Variants in CELSR3 observed in about 807,000 individuals in gnomAD.
CELSR3 encodes cadherin EGF LAG seven-pass G-type receptor 3.
Under a neutral mutation model 270.0 loss-of-function variants are expected in CELSR3, and 73 were observed. The ratio of observed to expected loss-of-function variants is 0.27; its 90% CI spans 0.22 to 0.33. The LOEUF is 0.33. Among genes scored for constraint, CELSR3 ranks in the 10% least tolerant of loss-of-function variants. The pLI is 1.00. For missense variants in CELSR3, 3,614 were observed against 4,533.8 expected, an observed-to-expected ratio of 0.80 and a Z score of 5.83; for synonymous variants, 1,780 against 1,905.4, an observed-to-expected ratio of 0.93 and a Z score of 1.71.
At chr3:48,638,969 A>C (rs1331351792) in intron 34 of CELSR3, among the ~76,000 whole-genome samples, 1 of 149,872 alleles carries the variant, frequency 6.7e-6, no homozygotes, top group Admixed American at 6.6e-5. Flanking sequence ...TTGAAACTCA[A>C]CTCTCCTCTT....
At chr3:48,648,088 C>T (rs1047811415) in intron 19 of CELSR3, 92 bp from the exon 20 acceptor site, 14 of 1,516,506 alleles carry the variant, frequency 9.2e-6, no homozygotes, top group Non-Finnish European at 1.3e-5. Context: ...GCACCTGAGT[C>T]CCACAATCTG....
intron 34 of CELSR3, 38 bp from the exon 35 acceptor site, chr3:48,638,270 A>G (rs1269914070): frequency 1.3e-6 from 2 of 1,567,426 alleles, no homozygotes; most frequent in Non-Finnish European, 1.8e-6. Context: ...TGATGCCCAG[A>G]GGACTCCGAG....
In CELSR3 at chr3:48,646,082, G is replaced by T. The variant is rs771911397; in HGVS notation, c.7463+8C>A. 2.5e-6 allele frequency: 4 copies of T among 1,611,806 alleles called. No homozygotes were observed. The African/African-American group carries it at 5.3e-5, about 22-fold the overall frequency. ...GGGACCAAGGGTTTCCAGAATGGGG[G>T]TCCTCACAGGCCAGGTGGGTCCCAC... On this transcript the variant is annotated splice_region_variant and intron_variant, in intron 22 of 34. Coordinates refer to ENST00000164024, the MANE Select transcript of CELSR3 (RefSeq NM_001407.3). This position sits in a 1 kb window ranked among gnomAD's most constrained non-coding sequence, Gnocchi z 4.8.
rs780847102 is a variant in CELSR3 at position 48,644,242 on chromosome 3, C to T, written c.8139G>A (p.Gln2713=). 6.2e-7 allele frequency: 1 copy of T among 1,613,200 alleles called. No individual in the cohort carries two copies. The highest frequency in any genetic ancestry group is 8.5e-7 in the Non-Finnish European group (1 of 1,179,926). ...LAARTSCSTG[Q]REAKKTSALT... ...GTGCAGAGGTCTTCTTGGCCTCCCT[C>T]TGCCCTGTGGAGCAGGATGTGCGGG... Residue 2713 remains glutamine, a synonymous_variant, in exon 27 of 35, where the codon CAG becomes CAA. Transcript: ENST00000164024. This position sits in a 1 kb window ranked among gnomAD's most constrained non-coding sequence, Gnocchi z 4.8.
rs763195087 is a variant in CELSR3, at chr3:48,655,876, G to C, written c.4626-25C>G. The C allele has an allele frequency of 3.1e-6, 4 of 1,308,126 alleles. No individual in the cohort carries two copies. The highest frequency in any genetic ancestry group is 4.4e-6 in the Non-Finnish European group (4 of 916,418). 81.0% of individuals were successfully genotyped at this position (1,308,126 alleles called of 1,614,324 possible). ...CCTGGGCGGGGTGGGAGGGGGTTGC[G>C]GGGGTGGGAGCGTCAGGAGCAGGGT... On this transcript the variant is annotated intron_variant, in intron 3 of 34. Coordinates refer to ENST00000164024, the MANE Select transcript of CELSR3 (RefSeq NM_001407.3). The surrounding 1 kb of genome is among the most constrained non-coding windows in gnomAD (Gnocchi z 5.8).
chr3:48,643,499 C>G, intron 28 of CELSR3, 55 bp downstream of exon 28: 1 of 1,534,528 alleles, frequency 6.5e-7, no homozygotes, highest in Non-Finnish European at 8.8e-7. Flanking sequence ...AGGGATGGCC[C>G]CAGCCTACTG....
Position 48,662,554 on chromosome 3 carries a change from G to A in CELSR3, c.81C>T (p.Phe27=). The change falls in exon 1 of 35, where the codon TTC becomes TTT. Residue 27 remains phenylalanine (F), a synonymous_variant. Coordinates refer to ENST00000164024, the MANE Select transcript of CELSR3 (RefSeq NM_001407.3). This position sits in a 1 kb window ranked among gnomAD's most constrained non-coding sequence, Gnocchi z 7.1. ...PILLLLLLSL[F]PLSQEELGGG... ...CCCCCAGCTCCTCCTGGCTGAGGGG[G>A]AACAAAGAGAGGAGAAGGAGCAGGA... 1 of 1,583,926 alleles carries A rather than the reference G, an allele frequency of 6.3e-7. No individual in the cohort carries two copies. Among genetic ancestry groups the A allele is most frequent in the South Asian group, 1.1e-5 (1 of 88,100 alleles).
At position 48,645,303 on chromosome 3, in the gene CELSR3, A is replaced by G; in HGVS notation, c.7798-94T>C. On this transcript the variant is annotated intron_variant, in intron 24 of 34. Transcript: ENST00000164024. This position sits in a 1 kb window ranked among gnomAD's most constrained non-coding sequence, Gnocchi z 5.4. Reference sequence around the variant, plus strand: ...GCTTCCCACCTCTCACCCCTAAACCACAATATCTTACCCCAGCATCCTGCT... The same window carrying G: ...GCTTCCCACCTCTCACCCCTAAACCGCAATATCTTACCCCAGCATCCTGCT... 6.5e-7 allele frequency: 1 copy of G among 1,528,208 alleles called. No homozygotes were observed. The highest frequency in any genetic ancestry group is 1.2e-5 in the South Asian group (1 of 83,500). The allele number at this position is 1,528,208 out of a possible 1,614,324, so 94.7% of individuals were successfully genotyped here. A position where few individuals can be genotyped will look rare whatever the true frequency, so the allele number is the denominator to read the frequency against.
At position 48,639,895 on chromosome 3, in the gene CELSR3, C is replaced by A. The variant is rs565570555; in HGVS notation, c.9690G>T (p.Ser3230=). The change falls in exon 34 of 35, where the codon TCG becomes TCT. Residue 3230 remains serine, a synonymous_variant. Transcript: ENST00000164024. The surrounding 1 kb of genome is among the most constrained non-coding windows in gnomAD (Gnocchi z 4.1). ...LPQLLRARED[S]VSGPSHGPST... ...AGGGGCCATGGCTGGGGCCACTGAC[C>A]GAGTCCTCCCTAGCTCTGAGCAGCT... 1 of 1,613,234 alleles carries A rather than the reference C, an allele frequency of 6.2e-7. No homozygotes were observed. Among genetic ancestry groups the A allele is most frequent in the Non-Finnish European group, 8.5e-7 (1 of 1,180,002 alleles).
At position 48,656,900 on chromosome 3, in the gene CELSR3, G is replaced by C; in HGVS notation, c.4197C>G (p.Ser1399=). ...KCVSVLRFDS[S]APFLASASTL... ...TGGAGGCCGAGGCCAGGAAGGGCGC[G>C]GACGAGTCAAAGCGGAGCACGGACA... Residue 1399 remains serine, a synonymous_variant, in exon 2 of 35, where the codon TCC becomes TCG. Coordinates refer to ENST00000164024, the MANE Select transcript of CELSR3 (RefSeq NM_001407.3). 6.2e-7 allele frequency: 1 copy of C among 1,609,880 alleles called. No individual in the cohort carries two copies. Among genetic ancestry groups the C allele is most frequent in the Non-Finnish European group, 8.5e-7 (1 of 1,178,028 alleles).
At position 48,662,317 on chromosome 3, in the gene CELSR3, A is replaced by T. The variant is rs1241989854; in HGVS notation, c.318T>A (p.Asn106Lys). 1 of 1,612,738 alleles carries T rather than the reference A, an allele frequency of 6.2e-7. No individual in the cohort carries two copies. Among genetic ancestry groups the T allele is most frequent in the Admixed American group, 1.7e-5 (1 of 60,022 alleles). The change falls in exon 1 of 35, where the codon AAT (asparagine) becomes AAA (lysine). Residue 106 changes from asparagine (N) to lysine (K), a missense_variant. Coordinates refer to ENST00000164024, the MANE Select transcript of CELSR3 (RefSeq NM_001407.3). The surrounding 1 kb of genome is among the most constrained non-coding windows in gnomAD (Gnocchi z 7.1). Reference sequence around the variant, plus strand: ...CGCCGTGTTCAATCCCCAGCTCCTCATTCGGCTGCTCAGGGGGCCCTCGAC... The same window carrying T: ...CGCCGTGTTCAATCCCCAGCTCCTCTTTCGGCTGCTCAGGGGGCCCTCGAC... ...RNSRGPPEQP[N>K]EELGIEHGVQ...
chr3:48,640,976 A>C lies in CELSR3; in HGVS notation c.9025+348T>G. On this transcript the variant is annotated intron_variant, in intron 33 of 34. Coordinates refer to ENST00000164024, the MANE Select transcript of CELSR3 (RefSeq NM_001407.3). The surrounding 1 kb of genome is among the most constrained non-coding windows in gnomAD (Gnocchi z 7.5). Reference sequence around the variant, plus strand: ...AACCTCTTCTCCGGGTCCCCATAAAAGCAGAGTAGGGGGCAGAAATCTTCC... The same window carrying C: ...AACCTCTTCTCCGGGTCCCCATAAACGCAGAGTAGGGGGCAGAAATCTTCC... The C allele has an allele frequency of 2.9e-6, 1 of 339,030 alleles. No homozygotes were observed. The highest frequency in any genetic ancestry group is 5.4e-6 in the Non-Finnish European group (1 of 185,892). The allele number at this position is 339,030 out of a possible 1,614,324, so 21.0% of individuals were successfully genotyped here.
chr3:48,639,676 T>G lies in CELSR3; in HGVS notation c.9909A>C (p.Ser3303=), dbSNP rs1013283027. The change falls in exon 34 of 35, where the codon TCA becomes TCC. Residue 3303 remains serine, a splice_region_variant and synonymous_variant. Coordinates refer to ENST00000164024, the MANE Select transcript of CELSR3 (RefSeq NM_001407.3). The surrounding 1 kb of genome is among the most constrained non-coding windows in gnomAD (Gnocchi z 4.1). ...GCAGGTGGCTGGACCATACTTACTC[T>G]GAGTCTGGCGACAGCTCCGAGATGC... ...SHSISELSPD[S]EVPRSEGHS 1 of 1,613,184 alleles carries G rather than the reference T, an allele frequency of 6.2e-7. No individual in the cohort carries two copies. The highest frequency in any genetic ancestry group is 1.3e-5 in the African/African-American group (1 of 74,918).
chr3:48,652,010 G>A lies in CELSR3; in HGVS notation c.5790C>T (p.Ala1930=). Residue 1930 remains alanine, a synonymous_variant, in exon 12 of 35, where the codon GCC becomes GCT. Coordinates refer to ENST00000164024, the MANE Select transcript of CELSR3 (RefSeq NM_001407.3). The surrounding 1 kb of genome is among the most constrained non-coding windows in gnomAD (Gnocchi z 4.3). ...WLGSTPSGSP[A]LLPPSHRVNA... ...TCACTCGGTGGCTGGGGGGTAGCAG[G>A]GCCGGGGAGCCAGAGGGTGTGGAGC... 1.3e-6 allele frequency: 2 copies of A among 1,582,482 alleles called. No individual in the cohort carries two copies. Among genetic ancestry groups the A allele is most frequent in the Non-Finnish European group, 8.6e-7 (1 of 1,167,112 alleles).
rs537846353 is a variant in CELSR3, at chr3:48,644,958, G to A, written c.7972+77C>T. 3.1e-4 allele frequency: 475 copies of A among 1,539,894 alleles called. No individual in the cohort carries two copies. The highest frequency in any genetic ancestry group is 3.8e-4 in the Non-Finnish European group (429 of 1,130,218). Reference sequence around the variant, plus strand: ...TAGATGGCTTGGGGTTTGAGGTTGGGGGTCATGAGCAGGAGTGGGGACAGG... The same window carrying A: ...TAGATGGCTTGGGGTTTGAGGTTGGAGGTCATGAGCAGGAGTGGGGACAGG... On this transcript the variant is annotated intron_variant, in intron 25 of 34. Coordinates refer to ENST00000164024, the MANE Select transcript of CELSR3 (RefSeq NM_001407.3). The surrounding 1 kb of genome is among the most constrained non-coding windows in gnomAD (Gnocchi z 4.8).
At position 48,651,608 on chromosome 3, in the gene CELSR3, C is replaced by T. The variant is rs868288105; in HGVS notation, c.6034G>A (p.Gly2012Ser). 1 of 1,582,428 alleles carries T rather than the reference C, an allele frequency of 6.3e-7. No homozygotes were observed. Among genetic ancestry groups the T allele is most frequent in the Non-Finnish European group, 8.6e-7 (1 of 1,161,892 alleles). ...APHGYTCDCV[G>S]GYFGHHCEHR... ...TCACAGTGGTGCCCGAAATAGCCACCCACACAGTCACAGGTATAGCCATGG... is the reference window on the plus strand; with the variant it reads ...TCACAGTGGTGCCCGAAATAGCCACTCACACAGTCACAGGTATAGCCATGG... The change falls in exon 13 of 35, where the codon GGT becomes AGT. Residue 2012 changes from glycine (G) to serine (S), a missense_variant. Transcript: ENST00000164024. This position sits in a 1 kb window ranked among gnomAD's most constrained non-coding sequence, Gnocchi z 7.4.
chr3:48,658,795 G>A lies in CELSR3; in HGVS notation c.3748+92C>T. 6.7e-7 allele frequency: 1 copy of A among 1,493,088 alleles called. No homozygotes were observed. The highest frequency in any genetic ancestry group is 1.3e-5 in the South Asian group (1 of 77,352). 92.5% of individuals were successfully genotyped at this position (1,493,088 alleles called of 1,614,324 possible). ...CCTTAAGGGGTTCTTGGAAGGCTTA[G>A]AAATCCCTCTTTGGTTTGAGGTGCC... On this transcript the variant is annotated intron_variant, in intron 1 of 34. Coordinates refer to ENST00000164024, the MANE Select transcript of CELSR3 (RefSeq NM_001407.3). The surrounding 1 kb of genome is among the most constrained non-coding windows in gnomAD (Gnocchi z 4.7).
In CELSR3 at chr3:48,639,546, C is replaced by G; in HGVS notation, c.9911+128G>C. 1 of 1,294,314 alleles carries G rather than the reference C, an allele frequency of 7.7e-7. No individual in the cohort carries two copies. The allele number at this position is 1,294,314 out of a possible 1,614,324, so 80.2% of individuals were successfully genotyped here. ...CCCAGCCTGTGGCCCTCTGGCTGTG[C>G]TGAGCCTGGGGTAGCCCACACCTGT... On this transcript the variant is annotated intron_variant, in intron 34 of 34. Coordinates refer to ENST00000164024, the MANE Select transcript of CELSR3 (RefSeq NM_001407.3). The surrounding 1 kb of genome is among the most constrained non-coding windows in gnomAD (Gnocchi z 4.1).
Position 48,656,989 on chromosome 3 carries a change from C to T in CELSR3, c.4108G>A (p.Asp1370Asn), listed in dbSNP as rs964925486. 28 of 1,612,826 alleles carry T rather than the reference C, an allele frequency of 1.7e-5. No homozygotes were observed. Among genetic ancestry groups the T allele is most frequent in the African/African-American group, 5.3e-5 (4 of 74,926 alleles). ...ACGTTGTCGTCGAAGGGCAGTACGT[C>T]GAGCAGGGAGCGAGCCGCCAGCGCC... ...RAALAARSLLDVLPFDDNVCL... is the reference protein window; with the variant it reads ...RAALAARSLLNVLPFDDNVCL... The change falls in exon 2 of 35, where the codon GAC becomes AAC. Residue 1370 changes from aspartate to asparagine, a missense_variant. Transcript: ENST00000164024.
Sources: allele counts gnomAD v4.1 joint callset (sites outside exome capture counted in the v4.1 genomes callset), GRCh38; gene constraint gnomAD v4.1.1; non-coding constraint Gnocchi (gnomAD v3.1); transcripts MANE v1.5; gene names NCBI Gene and HGNC (gene_info 2026-07-23, HGNC 2026-07-21).